The following KDM4C variants were observed in gnomAD, a reference collection of about 807,000 sequenced individuals.
KDM4C encodes lysine demethylase 4C.
Under a neutral mutation model 129.3 loss-of-function variants are expected in KDM4C, and 81 were observed. That is an observed-to-expected ratio of 0.63 (90% confidence interval 0.52 to 0.75). The LOEUF is 0.75. KDM4C is among the 30% of genes least tolerant of loss of function. KDM4C has a pLI of 0.00. For synonymous variants in KDM4C, 573 were observed against 456.1 expected, an observed-to-expected ratio of 1.26 and a Z score of -3.26; for missense variants, 1,457 against 1,304.0, an observed-to-expected ratio of 1.12 and a Z score of -1.81.
intron 1 of KDM4C, among the ~76,000 whole-genome samples, chr9:6,764,322 G>A (rs180759973): frequency 4.8e-4 from 73 of 152,292 alleles, no homozygotes; most frequent in African/African-American, 1.6e-3. Context: ...GCACTTAAGT[G>A]CTAAATAACT....
intron 1 of KDM4C, among the ~76,000 whole-genome samples, chr9:6,732,231 G>A (rs1234842398): frequency 1.3e-5 from 2 of 151,412 alleles, no homozygotes; most frequent in African/African-American, 4.9e-5. Context: ...CGGGCGTGGT[G>A]GTGGGCGCCT....
intron 15 of KDM4C, among the ~76,000 whole-genome samples, chr9:7,039,640 A>T (rs1828226088): frequency 6.6e-6 from 1 of 152,092 alleles, no homozygotes; most frequent in South Asian, 2.1e-4. Context: ...CACACAGTTT[A>T]TATGTTATAT....
chr9:6,731,574 C>T (rs7872433), intron 1 of KDM4C, among the ~76,000 whole-genome samples: 36,590 of 151,782 alleles, frequency 0.24, 5,012 homozygotes, highest in East Asian at 0.4. Context: ...TCAGGTGATC[C>T]GCCCACCTCG....
chr9:6,995,175 GT>G (rs1194200914), intron 12 of KDM4C, among the ~76,000 whole-genome samples: 2 of 150,830 alleles, frequency 1.3e-5, no homozygotes, highest in African/African-American at 2.4e-5. Context: ...AGAAAGGAGT[GT>G]TGTGTGAGGA....
At chr9:6,844,042 G>T (rs1837433895) in intron 4 of KDM4C, among the ~76,000 whole-genome samples, 1 of 151,956 alleles carries the variant, frequency 6.6e-6, no homozygotes, top group African/African-American at 2.4e-5. Context: ...TCTCTTTATT[G>T]CCCAGGATCG....
At chr9:6,855,985 A>G (rs1416804057) in intron 5 of KDM4C, among the ~76,000 whole-genome samples, 2 of 152,018 alleles carry the variant, frequency 1.3e-5, no homozygotes, top group Non-Finnish European at 2.9e-5. Context: ...AAGTGGTCCT[A>G]TTGTGTCTGC....
At position 6,854,110 on chromosome 9, in the gene KDM4C, G is replaced by A. The variant is rs182496429; in HGVS notation, c.629+4410G>A. On this transcript the variant is annotated intron_variant, in intron 5 of 21. Transcript: ENST00000381309. Reference sequence around the variant, plus strand: ...TATTTATAATAGAATAGGAGTTTCAGTGATTAAAAAAAAATGTGATTCTCC... The same window carrying A: ...TATTTATAATAGAATAGGAGTTTCAATGATTAAAAAAAAATGTGATTCTCC... Among the ~76,000 whole-genome samples the A allele has an allele frequency of 3.3e-5, 5 of 152,048 alleles. No individual in the cohort carries two copies. In the South Asian group the frequency reaches 8.3e-4, roughly 25 times the overall value.
chr9:6,894,359 A>G (rs1846524724), intron 8 of KDM4C, among the ~76,000 whole-genome samples: 1 of 152,216 alleles, frequency 6.6e-6, no homozygotes, highest in Non-Finnish European at 1.5e-5. Context: ...AAGGAACAGA[A>G]CTGTACTACT....
At chr9:6,905,532 G>A (rs1818163845) in intron 8 of KDM4C, among the ~76,000 whole-genome samples, 1 of 152,202 alleles carries the variant, frequency 6.6e-6, no homozygotes, top group Non-Finnish European at 1.5e-5. Flanking sequence ...GAATTTGGGT[G>A]CTGTATACAC....
chr9:7,006,289 A>C (rs1686724557), intron 12 of KDM4C, among the ~76,000 whole-genome samples: 1 of 152,166 alleles, frequency 6.6e-6, no homozygotes, highest in Admixed American at 6.5e-5. Context: ...CTGTGCTTCA[A>C]ATTAATGGGG....
chr9:7,146,888 G>A (rs722628), intron 19 of KDM4C, among the ~76,000 whole-genome samples: 50,551 of 152,018 alleles, frequency 0.33, 8,695 homozygotes, highest in East Asian at 0.51. Flanking sequence ...CCTTTCTCTC[G>A]TAGTCAGGGT....
intron 5 of KDM4C, among the ~76,000 whole-genome samples, chr9:6,858,107 A>G (rs1840220702): frequency 6.6e-6 from 1 of 152,022 alleles, no homozygotes; most frequent in African/African-American, 2.4e-5. Flanking sequence ...GGTTTGAGCC[A>G]CTATGCCTGG....
intron 5 of KDM4C, among the ~76,000 whole-genome samples, chr9:6,869,196 C>A (rs1842495186): frequency 6.6e-6 from 1 of 152,202 alleles, no homozygotes; most frequent in Non-Finnish European, 1.5e-5. Flanking sequence ...GTTATGACTG[C>A]CTGCACATAT....
At chr9:6,854,550 A>AAAAAAAC (rs1839460332) in intron 5 of KDM4C, among the ~76,000 whole-genome samples, 2 of 150,728 alleles carry the variant, frequency 1.3e-5, no homozygotes, top group African/African-American at 4.9e-5. Context: ...AAAAAACAAA[A>AAAAAAAC]AAAAAACTAA....
At chr9:6,774,856 C>G (rs1208101990) in intron 1 of KDM4C, among the ~76,000 whole-genome samples, 1 of 152,086 alleles carries the variant, frequency 6.6e-6, no homozygotes, top group Non-Finnish European at 1.5e-5. Context: ...TCCTTGGCAA[C>G]CATGTCCTGA....
At chr9:6,823,831 C>G (rs913915643) in intron 4 of KDM4C, among the ~76,000 whole-genome samples, 1 of 152,214 alleles carries the variant, frequency 6.6e-6, no homozygotes, top group African/African-American at 2.4e-5. Flanking sequence ...GGCCTCCTTC[C>G]TTCAGTACGC....
intron 17 of KDM4C, among the ~76,000 whole-genome samples, chr9:7,097,753 T>A (rs1247666040): frequency 6.6e-6 from 1 of 152,256 alleles, no homozygotes; most frequent in African/African-American, 2.4e-5. Flanking sequence ...AAGCTTTTGT[T>A]ATAGCTGTTT....
chr9:6,730,563 C>T (rs1161122010), intron 1 of KDM4C, among the ~76,000 whole-genome samples: 2 of 150,482 alleles, frequency 1.3e-5, no homozygotes, highest in African/African-American at 4.9e-5. Flanking sequence ...TGCAGTGAGC[C>T]GAGATCGTGC....
rs1407606975 is a variant in KDM4C at position 6,746,193 on chromosome 9, G to A, written c.49+25196G>A. 4.7e-5 allele frequency among the ~76,000 whole-genome samples: 7 copies of A among 150,136 alleles called. No homozygotes were observed. In the East Asian group the frequency reaches 7.8e-4, roughly 17 times the overall value. The stretch of plus-strand genomic sequence containing the variant: ...TGACCTCAAGTGATCTGCCCACCTC[G>A]GTCTCCCAGAGTGCTGGGATTACAG... On this transcript the variant is annotated intron_variant, in intron 1 of 17. Coordinates refer to the KDM4C transcript ENST00000536108.
Sources: gnomAD v4.1 joint callset for allele counts (sites outside exome capture counted in the v4.1 genomes callset) on GRCh38, gnomAD v4.1.1 for gene constraint, MANE v1.5 for transcripts, NCBI Gene and HGNC (gene_info 2026-07-23, HGNC 2026-07-21) for gene names.